The following MRPS28 variants were observed in gnomAD, a reference collection of about 807,000 sequenced individuals.
MRPS28 encodes mitochondrial ribosomal protein S28, also known as small ribosomal subunit protein bS1m.
A neutral mutation model predicts 10.8 loss-of-function variants in MRPS28; 7 were observed. The observed-to-expected ratio is 0.65, with a 90% CI of 0.37 to 1.22. MRPS28 has a LOEUF of 1.22. MRPS28 is among the 50% of genes most tolerant of loss of function. MRPS28 has a pLI of 0.02. For missense variants in MRPS28, 265 were observed against 232.9 expected, an observed-to-expected ratio of 1.14 and a Z score of -0.90; for synonymous variants, 121 against 93.3, an observed-to-expected ratio of 1.30 and a Z score of -1.71.
At chr8:80,025,887 C>T (rs1306280027) in intron 1 of MRPS28, among the ~76,000 whole-genome samples, 1 of 152,160 alleles carries the variant, frequency 6.6e-6, no homozygotes, top group Non-Finnish European at 1.5e-5. Flanking sequence ...TATTTTAAAA[C>T]AGTATTCATA....
intron 2 of MRPS28, among the ~76,000 whole-genome samples, chr8:79,921,305 A>C (rs1020036726): frequency 2.0e-5 from 3 of 152,082 alleles, no homozygotes; most frequent in Non-Finnish European, 4.4e-5. Flanking sequence ...ACTTTAAAAT[A>C]GTTTTTTCCA....
intron 2 of MRPS28, among the ~76,000 whole-genome samples, chr8:79,931,560 C>T (rs1033432883): frequency 2.6e-5 from 4 of 152,108 alleles, no homozygotes; most frequent in African/African-American, 4.8e-5. Context: ...TCAATCATTA[C>T]CGTAAAAGAG....
At chr8:79,967,440 A>C (rs1807530694) in intron 2 of MRPS28, among the ~76,000 whole-genome samples, 2 of 152,250 alleles carry the variant, frequency 1.3e-5, no homozygotes, top group Admixed American at 1.3e-4. Context: ...GATTGGTTCC[A>C]GCTTTGTTCA....
At chr8:79,970,706 G>A (rs1807610196) in intron 2 of MRPS28, among the ~76,000 whole-genome samples, 1 of 152,174 alleles carries the variant, frequency 6.6e-6, no homozygotes. Flanking sequence ...ACAACCTACA[G>A]TGGGTGGCAT....
At chr8:79,983,800 G>A (rs1353654289) in intron 2 of MRPS28, among the ~76,000 whole-genome samples, 1 of 152,190 alleles carries the variant, frequency 6.6e-6, no homozygotes, top group Non-Finnish European at 1.5e-5. Context: ...ATGTCTGATT[G>A]GTGTACCTGA....
At chr8:80,016,765 C>T (rs1020214669) in intron 1 of MRPS28, among the ~76,000 whole-genome samples, 3 of 152,142 alleles carry the variant, frequency 2.0e-5, no homozygotes, top group Non-Finnish European at 4.4e-5. Context: ...TCGGAATAAT[C>T]CTTAATGTGT....
chr8:79,963,062 C>T (rs150250413), intron 2 of MRPS28, among the ~76,000 whole-genome samples: 331 of 152,148 alleles, frequency 2.2e-3, no homozygotes, highest in African/African-American at 7.3e-3. Context: ...AGGAAAATTA[C>T]GTTATGAGGG....
intron 1 of MRPS28, among the ~76,000 whole-genome samples, chr8:80,006,314 G>C (rs1308077742): frequency 6.6e-6 from 1 of 152,144 alleles, no homozygotes; most frequent in Non-Finnish European, 1.5e-5. Context: ...CTAGAACTCA[G>C]GATTAAGAAA....
intron 1 of MRPS28, among the ~76,000 whole-genome samples, chr8:80,023,774 T>C (rs1428579138): frequency 6.6e-6 from 1 of 152,234 alleles, no homozygotes; most frequent in Non-Finnish European, 1.5e-5. Context: ...AATTCTTTGC[T>C]CAACTATTGC....
At chr8:79,985,288 A>C (rs1208376483) in intron 2 of MRPS28, among the ~76,000 whole-genome samples, 1 of 152,256 alleles carries the variant, frequency 6.6e-6, no homozygotes, top group Non-Finnish European at 1.5e-5. Context: ...GTGTAGAGGG[A>C]AATTTATAGC....
intron 2 of MRPS28, among the ~76,000 whole-genome samples, chr8:79,934,401 G>C (rs1806551243): frequency 6.6e-6 from 1 of 151,856 alleles, no homozygotes; most frequent in South Asian, 2.1e-4. Context: ...TGAATTTTAT[G>C]TAAGCAATTA....
At chr8:79,971,721 G>A (rs1219444058) in intron 2 of MRPS28, among the ~76,000 whole-genome samples, 1 of 152,034 alleles carries the variant, frequency 6.6e-6, no homozygotes, top group East Asian at 1.9e-4. Context: ...TTTTTGAAAT[G>A]AAGTTTTATT....
intron 1 of MRPS28, among the ~76,000 whole-genome samples, chr8:80,015,553 C>G (rs758909296): frequency 5.2e-4 from 79 of 152,182 alleles, no homozygotes; most frequent in Non-Finnish European, 1.0e-3. Context: ...AGAACACTTT[C>G]CCTCCCCACA....
At chr8:79,920,001 T>C (rs1407771248) in intron 2 of MRPS28, among the ~76,000 whole-genome samples, 1 of 140,314 alleles carries the variant, frequency 7.1e-6, no homozygotes, top group Non-Finnish European at 1.5e-5. Flanking sequence ...CCATGTGTTC[T>C]CATTGTTCAG....
intron 2 of MRPS28, among the ~76,000 whole-genome samples, chr8:79,938,201 T>G (rs1386268356): frequency 6.9e-6 from 1 of 144,420 alleles, no homozygotes; most frequent in Non-Finnish European, 1.5e-5. Flanking sequence ...TCAAGTGAAA[T>G]CCGAGTGCTA....
intron 2 of MRPS28, among the ~76,000 whole-genome samples, chr8:79,965,834 T>C (rs976571019): frequency 6.6e-6 from 1 of 152,078 alleles, no homozygotes; most frequent in African/African-American, 2.4e-5. Flanking sequence ...TATGCTTAAG[T>C]CTTCCACAGT....
At chr8:79,942,036 AGAT>A (rs1219454229) in intron 2 of MRPS28, among the ~76,000 whole-genome samples, 1 of 152,178 alleles carries the variant, frequency 6.6e-6, no homozygotes, top group Non-Finnish European at 1.5e-5. Flanking sequence ...AAGCTAAATA[AGAT>A]AAGGTACTTG....
intron 2 of MRPS28, among the ~76,000 whole-genome samples, chr8:79,949,697 A>G (rs549961056): frequency 6.6e-6 from 1 of 152,344 alleles, no homozygotes; most frequent in Admixed American, 6.5e-5. Flanking sequence ...CTCATATGAC[A>G]GAAAAAAATA....
At chr8:79,980,723 T>C (rs981494719) in intron 2 of MRPS28, among the ~76,000 whole-genome samples, 1 of 152,238 alleles carries the variant, frequency 6.6e-6, no homozygotes. Context: ...TGAGTATTTA[T>C]TGTGAACTTA....
Sources: allele counts gnomAD v4.1 joint callset (sites outside exome capture counted in the v4.1 genomes callset), GRCh38; gene constraint gnomAD v4.1.1; transcripts MANE v1.5; gene names NCBI Gene and HGNC (gene_info 2026-07-23, HGNC 2026-07-21).